The following GATAD2A variants were observed in gnomAD, a reference collection of about 807,000 sequenced individuals.
GATAD2A encodes transcriptional repressor p66-alpha.
Under a neutral mutation model 68.5 loss-of-function variants are expected in GATAD2A, and 12 were observed. That is an observed-to-expected ratio of 0.18 (90% CI 0.11 to 0.28). The LOEUF is 0.28. GATAD2A is among the 10% of genes least tolerant of loss of function. The pLI, the probability that GATAD2A is intolerant of heterozygous loss-of-function variation, is 1.00. For synonymous variants in GATAD2A, 410 were observed against 375.3 expected (o/e 1.09, Z -1.07); for missense variants, 755 against 868.5 (o/e 0.87, Z 1.64).
At chr19:19,471,520 G>A (rs1052012341) in intron 2 of GATAD2A, among the ~76,000 whole-genome samples, 2 of 152,118 alleles carry the variant, frequency 1.3e-5, no homozygotes, top group Non-Finnish European at 2.9e-5. Context: ...ACAGGGCTGG[G>A]GGTGGGTGGG....
At chr19:19,503,211 A>T (rs2060657276) in intron 11 of GATAD2A, among the ~76,000 whole-genome samples, 1 of 152,214 alleles carries the variant, frequency 6.6e-6, no homozygotes, top group Non-Finnish European at 1.5e-5. Flanking sequence ...GGTGGTCAGG[A>T]AGGGCCAAGT....
chr19:19,415,306 C>G (rs1600060924), intron 1 of GATAD2A, among the ~76,000 whole-genome samples: 1 of 151,908 alleles, frequency 6.6e-6, no homozygotes, highest in Non-Finnish European at 1.5e-5. Flanking sequence ...GCATGTGTCA[C>G]CATACCCAGC....
chr19:19,477,429 G>T (rs1009111688), intron 2 of GATAD2A, among the ~76,000 whole-genome samples: 2 of 152,124 alleles, frequency 1.3e-5, no homozygotes, highest in South Asian at 2.1e-4. Context: ...GATAGCTTTC[G>T]TACAAAGAGC....
chr19:19,486,707 C>T (rs975537447), intron 2 of GATAD2A, among the ~76,000 whole-genome samples: 25 of 152,166 alleles, frequency 1.6e-4, no homozygotes, highest in Admixed American at 4.6e-4. Context: ...TCACTGTTCC[C>T]GAGGCCTGAG....
intron 1 of GATAD2A, among the ~76,000 whole-genome samples, chr19:19,427,357 A>G (rs2053220001): frequency 7.0e-6 from 1 of 142,400 alleles, no homozygotes; most frequent in South Asian, 2.4e-4. Context: ...TTATGACAAC[A>G]TGTATTCTGT....
chr19:19,421,665 A>G (rs1044424638), intron 1 of GATAD2A, among the ~76,000 whole-genome samples: 4 of 152,136 alleles, frequency 2.6e-5, no homozygotes, highest in African/African-American at 9.7e-5. Flanking sequence ...GAAGAAAGAC[A>G]TCCTAGTCCG....
intron 1 of GATAD2A, among the ~76,000 whole-genome samples, chr19:19,437,501 C>G (rs1449333525): frequency 2.0e-5 from 3 of 152,146 alleles, no homozygotes; most frequent in Non-Finnish European, 4.4e-5. Flanking sequence ...TATATATATT[C>G]AAGAGTTCCA....
Position 19,506,574 on chromosome 19 carries a change from TC to T in GATAD2A, c.*1102del, listed in dbSNP as rs1453594027. 1.9e-5 allele frequency: 3 copies of T among 159,096 alleles called. No individual in the cohort carries two copies. Among genetic ancestry groups the T allele is most frequent in the African/African-American group, 7.2e-5 (3 of 41,392 alleles). The allele number at this position is 159,096 out of a possible 1,614,324, so 9.9% of individuals were successfully genotyped here. A position where few individuals can be genotyped will look rare whatever the true frequency, so the allele number is the denominator to read the frequency against. ...CCGTTTGGGTCTAGTTTAGAACCTGTCCTTAAACCTAGGGGTTGCTGTCAGG... is the reference window on the plus strand; with the variant it reads ...CCGTTTGGGTCTAGTTTAGAACCTGTCTTAAACCTAGGGGTTGCTGTCAGG... On this transcript the variant is annotated 3_prime_UTR_variant, in exon 12 of 12. Transcript: ENST00000683918.
At chr19:19,442,125 G>A in intron 1 of GATAD2A, among the ~76,000 whole-genome samples, 1 of 152,176 alleles carries the variant, frequency 6.6e-6, no homozygotes. Context: ...CTCCCAAAGT[G>A]CTGGGATTAC....
At chr19:19,426,677 A>AT (rs559619363) in intron 1 of GATAD2A, among the ~76,000 whole-genome samples, 5 of 151,566 alleles carry the variant, frequency 3.3e-5, no homozygotes, top group African/African-American at 7.3e-5. Context: ...CCCCTGGCAA[A>AT]TTTTTTTTGT....
chr19:19,422,981 G>C (rs929520369), intron 1 of GATAD2A, among the ~76,000 whole-genome samples: 1 of 152,116 alleles, frequency 6.6e-6, no homozygotes, highest in Non-Finnish European at 1.5e-5. Flanking sequence ...GAAGTGCTGG[G>C]ATTACAGGCG....
intron 1 of GATAD2A, among the ~76,000 whole-genome samples, chr19:19,459,131 C>T (rs1473357627): frequency 5.9e-5 from 9 of 152,138 alleles, no homozygotes; most frequent in African/African-American, 2.4e-5. Flanking sequence ...TGATTCTCAT[C>T]CTTAGCAGGT....
At chr19:19,443,527 A>C (rs1474186082) in intron 1 of GATAD2A, among the ~76,000 whole-genome samples, 1 of 152,140 alleles carries the variant, frequency 6.6e-6, no homozygotes, top group Non-Finnish European at 1.5e-5. Flanking sequence ...TGTAGAGATA[A>C]ATACTGACCC....
intron 1 of GATAD2A, among the ~76,000 whole-genome samples, chr19:19,450,406 T>TG (rs1172910368): frequency 1.3e-5 from 2 of 152,164 alleles, no homozygotes; most frequent in African/African-American, 2.4e-5. Flanking sequence ...GGAACACCTG[T>TG]GGGGGCTGTT....
chr19:19,474,344 C>G (rs1000348384), intron 2 of GATAD2A, among the ~76,000 whole-genome samples: 1 of 152,118 alleles, frequency 6.6e-6, no homozygotes, highest in Non-Finnish European at 1.5e-5. Flanking sequence ...GAATTTAGGT[C>G]ACAAACTTTA....
intron 1 of GATAD2A, among the ~76,000 whole-genome samples, chr19:19,396,493 A>ATTGTACAAT (rs1568692266): frequency 6.6e-6 from 1 of 152,148 alleles, no homozygotes; most frequent in Non-Finnish European, 1.5e-5. Context: ...TTCCCAGTTG[A>ATTGTACAAT]GATCCCTTAG....
intron 1 of GATAD2A, among the ~76,000 whole-genome samples, chr19:19,415,399 C>A (rs2051483661): frequency 6.6e-6 from 1 of 151,800 alleles, no homozygotes; most frequent in Non-Finnish European, 1.5e-5. Context: ...AGGTGATCTG[C>A]CCGCTTTGGC....
intron 1 of GATAD2A, among the ~76,000 whole-genome samples, chr19:19,396,854 G>A (rs545984832): frequency 1.3e-5 from 2 of 152,142 alleles, no homozygotes; most frequent in African/African-American, 4.8e-5. Context: ...GATTACAGGC[G>A]CCTGCCACCA....
chr19:19,457,522 C>T (rs920199858), intron 1 of GATAD2A, among the ~76,000 whole-genome samples: 5 of 152,094 alleles, frequency 3.3e-5, no homozygotes, highest in Admixed American at 2.0e-4. Context: ...GGGCGGATCA[C>T]GAGGTCAGGA....
Sources: allele counts gnomAD v4.1 joint callset (sites outside exome capture counted in the v4.1 genomes callset), GRCh38; gene constraint gnomAD v4.1.1; transcripts MANE v1.5; gene names NCBI Gene and HGNC (gene_info 2026-07-23, HGNC 2026-07-21).